The following KIF6 variants were observed in gnomAD, a reference collection of about 807,000 sequenced individuals.
KIF6 encodes kinesin family member 6.
A neutral mutation model predicts 112.7 loss-of-function variants in KIF6; 106 were observed. The observed-to-expected ratio is 0.94, with a 90% CI of 0.80 to 1.11. KIF6 has a LOEUF of 1.11. Among genes scored for constraint, KIF6 ranks in the 50% least tolerant of loss-of-function variants. KIF6 has a pLI of 0.00. For synonymous variants in KIF6, 339 were observed against 339.9 expected (o/e 1.00, Z 0.03); for missense variants, 929 against 964.0 (o/e 0.96, Z 0.48).
intron 3 of KIF6, among the ~76,000 whole-genome samples, chr6:39,703,725 G>A (rs1789018188): frequency 6.6e-6 from 1 of 152,140 alleles, no homozygotes; most frequent in Admixed American, 6.5e-5. Flanking sequence ...ATCTGCAAGT[G>A]ATAAAGCACG....
At chr6:39,431,414 A>G (rs1287522973) in intron 13 of KIF6, 2 of 362,700 alleles carry the variant, frequency 5.5e-6, no homozygotes, top group Non-Finnish European at 9.9e-6. Flanking sequence ...CGGGGTTTGG[A>G]ATGCCTGCTC....
intron 9 of KIF6, among the ~76,000 whole-genome samples, chr6:39,579,286 G>A (rs996549291): frequency 6.6e-6 from 1 of 152,100 alleles, no homozygotes; most frequent in Non-Finnish European, 1.5e-5. Context: ...GGTGTAAAAT[G>A]ATATCTCATT....
chr6:39,543,812 A>G (rs1376385993), intron 12 of KIF6, among the ~76,000 whole-genome samples: 1 of 152,198 alleles, frequency 6.6e-6, no homozygotes, highest in Non-Finnish European at 1.5e-5. Context: ...CCATAGAAGT[A>G]ACCACTTCGT....
chr6:39,695,579 C>G (rs907733553), intron 3 of KIF6, among the ~76,000 whole-genome samples: 3 of 152,094 alleles, frequency 2.0e-5, no homozygotes, highest in Non-Finnish European at 2.9e-5. Context: ...CAGAGTGATG[C>G]AAACCAAAAC....
chr6:39,513,295 C>T (rs974988417), intron 13 of KIF6, among the ~76,000 whole-genome samples: 1 of 152,120 alleles, frequency 6.6e-6, no homozygotes, highest in African/African-American at 2.4e-5. Context: ...CCCTAGTGGA[C>T]CCCCACGTGC....
At chr6:39,346,416 C>A in intron 20 of KIF6, 60 bp downstream of exon 20, 1 of 716,654 alleles carries the variant, frequency 1.4e-6, no homozygotes. Context: ...CTTGCCCCTT[C>A]CACCATGTGA....
At chr6:39,577,592 T>TA (rs1183652990) in intron 10 of KIF6, among the ~76,000 whole-genome samples, 1 of 152,184 alleles carries the variant, frequency 6.6e-6, no homozygotes, top group African/African-American at 2.4e-5. Context: ...CATTCCCAGT[T>TA]AGAGTGTTCG....
intron 20 of KIF6, among the ~76,000 whole-genome samples, chr6:39,346,172 A>C: frequency 1.8e-5 from 2 of 113,768 alleles, no homozygotes; most frequent in African/African-American, 6.8e-5. Context: ...TTTCTCTCCT[A>C]TGTGAGCACA....
chr6:39,584,907 G>T lies in KIF6; in HGVS notation c.1068C>A (p.Asn356Lys). The stretch of plus-strand genomic sequence containing the variant: ...GTTAAAAGTTGCTTACTAATCTGGG[G>T]TTAATTTCTTCATTAAGAACAGCTT... Reference protein sequence around the residue: ...KNEAVLNEEINPRLVIKRLQK... With the variant: ...KNEAVLNEEIKPRLVIKRLQK... The change falls in exon 9 of 23, where the codon AAC becomes AAA. Residue 356 changes from asparagine to lysine, a missense_variant. Physicochemically the swap from Asn to Lys is moderately conservative, Grantham distance 94 (BLOSUM62 0). Around this residue, in one of 2 missense-constraint regions of KIF6, gnomAD observed 688 missense variants for 662.7 expected, o/e 1.04. Coordinates refer to ENST00000287152, the MANE Select transcript of KIF6 (RefSeq NM_145027.6). 3 of 1,603,332 alleles carry T rather than the reference G, an allele frequency of 1.9e-6. No individual in the cohort carries two copies. The highest frequency in any genetic ancestry group is 1.3e-5 in the African/African-American group (1 of 74,810).
intron 15 of KIF6, among the ~76,000 whole-genome samples, chr6:39,402,738 T>G (rs1025416557): frequency 6.6e-6 from 1 of 152,206 alleles, no homozygotes; most frequent in African/African-American, 2.4e-5. Flanking sequence ...GAGGGCCTCC[T>G]GTGTCCTATC....
chr6:39,691,666 A>T (rs1463639308), intron 3 of KIF6: 1 of 152,252 alleles, frequency 6.6e-6, no homozygotes, highest in Non-Finnish European at 1.5e-5. Context: ...TGAGAAAAAC[A>T]TGTTTACATA....
rs1299889351 is a variant in KIF6, at chr6:39,613,316, T to C, written c.512A>G (p.Lys171Arg). The stretch of plus-strand genomic sequence containing the variant: ...ATCAGGATCCTCCAGTATTGTCACT[T>C]TCCTAAGCAAATGGGAAGCAAGAAA... ...HEASSLEDLP[K>R]VTILEDPDQN... The change falls in exon 6 of 23, where the codon AAA becomes AGA. Residue 171 changes from lysine (K) to arginine (R), a missense_variant and splice_region_variant. By Grantham distance (26) the Lys-to-Arg change is conservative. This residue lies in a region of KIF6 where 688 missense variants were observed against 662.7 expected (regional missense o/e 1.04). Transcript: ENST00000287152. 1.3e-6 allele frequency: 2 copies of C among 1,575,942 alleles called. No individual in the cohort carries two copies. The highest frequency in any genetic ancestry group is 3.9e-5 in the Admixed American group (2 of 51,772).
chr6:39,346,132 C>CT (rs1763766405), intron 20 of KIF6, among the ~76,000 whole-genome samples: 896 of 26,916 alleles, frequency 0.033, 49 homozygotes, highest in Non-Finnish European at 0.047. Flanking sequence ...CCTCCCTCTC[C>CT]CTCTCTCTCT....
intron 15 of KIF6, among the ~76,000 whole-genome samples, chr6:39,416,429 T>C (rs1769922652): frequency 6.6e-6 from 1 of 152,196 alleles, no homozygotes; most frequent in Admixed American, 6.5e-5. Flanking sequence ...ATCTTGTATA[T>C]GGAACAGGTA....
intron 1 of KIF6, among the ~76,000 whole-genome samples, chr6:39,721,809 GT>G (rs5875678): frequency 0.37 from 52,296 of 141,576 alleles, 9,657 homozygotes; most frequent in East Asian, 0.57. Flanking sequence ...AGATTTAAAG[GT>G]TTTTTTTTTT....
chr6:39,454,290 TGAAA>T (rs2150411696), intron 13 of KIF6, among the ~76,000 whole-genome samples: 1 of 151,702 alleles, frequency 6.6e-6, no homozygotes, highest in African/African-American at 2.4e-5. Context: ...ATGGAAAAGA[TGAAA>T]GAGAGATTGA....
chr6:39,671,726 T>C (rs1446676320), intron 3 of KIF6, among the ~76,000 whole-genome samples: 2 of 152,246 alleles, frequency 1.3e-5, no homozygotes, highest in South Asian at 2.1e-4. Context: ...CTAATAACAA[T>C]ATAGCAGGGC....
At chr6:39,712,067 T>A (rs536446644) in intron 3 of KIF6, among the ~76,000 whole-genome samples, 3 of 150,876 alleles carry the variant, frequency 2.0e-5, no homozygotes, top group East Asian at 1.9e-4. Context: ...GGAAAAAAAA[T>A]TAGGGAGTAT....
At chr6:39,521,278 G>T (rs1187171927) in intron 13 of KIF6, among the ~76,000 whole-genome samples, 2 of 152,170 alleles carry the variant, frequency 1.3e-5, no homozygotes, top group African/African-American at 2.4e-5. Flanking sequence ...ACCAGAAAAA[G>T]AATCTCCTTG....
Sources: gnomAD v4.1 joint callset for allele counts (sites outside exome capture counted in the v4.1 genomes callset) on GRCh38, gnomAD v4.1.1 for gene constraint, gnomAD v4.1.1 regional missense constraint, MANE v1.5 for transcripts, NCBI Gene and HGNC (gene_info 2026-07-23, HGNC 2026-07-21) for gene names.